Variants in VPS13B observed in about 807,000 individuals in gnomAD.
VPS13B encodes intermembrane lipid transfer protein VPS13B.
A neutral mutation model predicts 426.4 loss-of-function variants in VPS13B; 285 were observed. That is an observed-to-expected ratio of 0.67 (90% CI 0.61 to 0.74). The LOEUF (loss-of-function observed/expected upper bound fraction) is 0.74, where lower values mean the gene tolerates loss of function less well. Ranked by LOEUF, VPS13B falls within the 30% of genes least tolerant of loss-of-function variation. The pLI is 0.00. For synonymous variants in VPS13B, 1,676 were observed against 1,676.4 expected (o/e 1.00, Z 0.01); for missense variants, 4,537 against 4,782.6 (o/e 0.95, Z 1.51).
intron 30 of VPS13B, chr8:99,536,791 G>A (rs751961574): frequency 2.1e-5 from 11 of 526,400 alleles, no homozygotes; most frequent in African/African-American, 3.9e-5. Flanking sequence ...CTTATGTTCA[G>A]TGAGACACAA....
intron 3 of VPS13B, among the ~76,000 whole-genome samples, chr8:99,084,432 G>GT (rs1248283873): frequency 1.3e-5 from 2 of 152,054 alleles, no homozygotes; most frequent in African/African-American, 4.8e-5. Flanking sequence ...TTTTTGAAGG[G>GT]TTTTTTGTGT....
chr8:99,766,124 G>T (rs1811212687), intron 39 of VPS13B, among the ~76,000 whole-genome samples: 1 of 124,834 alleles, frequency 8.0e-6, no homozygotes, highest in South Asian at 2.6e-4. Context: ...CGCCCAGGCT[G>T]GAGTGCAGTC....
intron 58 of VPS13B, 152 bp downstream of exon 58, chr8:99,862,098 C>T (rs564520431): frequency 1.1e-5 from 10 of 894,974 alleles, no homozygotes; most frequent in South Asian, 5.2e-5. Context: ...CAGTGCGTCC[C>T]GCCGGGGGCT....
At chr8:99,053,632 G>A (rs1843678793) in intron 3 of VPS13B, among the ~76,000 whole-genome samples, 1 of 147,188 alleles carries the variant, frequency 6.8e-6, no homozygotes, top group African/African-American at 2.5e-5. Context: ...TGTCCTCAAG[G>A]TTCATCCATG....
Position 99,720,454 on chromosome 8 carries a change from C to T in VPS13B, c.6767C>T (p.Pro2256Leu), listed in dbSNP as rs756772677. ...NFEVQVSEPV[P>L]QMSSPVEKNQ... The stretch of plus-strand genomic sequence containing the variant: ...GAAGTACAAGTTTCTGAACCAGTGC[C>T]TCAAATGTCATCTCCTGTGGAAAAG... The change falls in exon 38 of 62, where the codon CCT becomes CTT. Residue 2256 changes from proline to leucine, a missense_variant. By Grantham distance (98) the Pro-to-Leu change is moderately conservative. Coordinates refer to ENST00000357162, the MANE Select transcript of VPS13B (RefSeq NM_152564.5). The T allele has an allele frequency of 1.3e-5, 21 of 1,613,812 alleles. No homozygotes were observed.
chr8:99,668,355 CAAA>C (rs35852232), intron 35 of VPS13B, among the ~76,000 whole-genome samples: 6 of 94,744 alleles, frequency 6.3e-5, no homozygotes, highest in African/African-American at 1.3e-4. Flanking sequence ...GACCCTGTCT[CAAA>C]AAAAAAAAAA....
At chr8:99,087,604 A>G (rs947191091) in intron 3 of VPS13B, among the ~76,000 whole-genome samples, 2 of 143,216 alleles carry the variant, frequency 1.4e-5, no homozygotes, top group African/African-American at 5.2e-5. Context: ...GGCTCCACCC[A>G]CTGTTTTTTT....
chr8:99,382,925 A>C (rs183938911), intron 19 of VPS13B, among the ~76,000 whole-genome samples: 107 of 152,288 alleles, frequency 7.0e-4, no homozygotes, highest in Middle Eastern at 3.4e-3. Flanking sequence ...GCTTTTCCCC[A>C]TTCAGTATGA....
At chr8:99,382,233 G>A (rs1305092208) in intron 19 of VPS13B, among the ~76,000 whole-genome samples, 1 of 152,090 alleles carries the variant, frequency 6.6e-6, no homozygotes, top group Non-Finnish European at 1.5e-5. Context: ...CTATAGTCTT[G>A]TAGTATAGAT....
chr8:99,321,427 C>T (rs192325158), intron 19 of VPS13B, among the ~76,000 whole-genome samples: 8 of 152,054 alleles, frequency 5.3e-5, no homozygotes, highest in African/African-American at 1.9e-4. Flanking sequence ...AGGCTGGTCT[C>T]GACCTCCTGA....
At chr8:99,753,380 T>C (rs1014360374) in intron 39 of VPS13B, among the ~76,000 whole-genome samples, 1 of 152,156 alleles carries the variant, frequency 6.6e-6, no homozygotes, top group African/African-American at 2.4e-5. Flanking sequence ...AGTATTGTTA[T>C]TTATAGTAAA....
chr8:99,208,549 A>T (rs889719055), intron 17 of VPS13B, among the ~76,000 whole-genome samples: 8 of 152,204 alleles, frequency 5.3e-5, no homozygotes, highest in Middle Eastern at 3.4e-3. Context: ...TATTATATGT[A>T]AGATTAAATA....
At chr8:99,398,152 T>G (rs546441554) in intron 21 of VPS13B, among the ~76,000 whole-genome samples, 1 of 152,342 alleles carries the variant, frequency 6.6e-6, no homozygotes, top group South Asian at 2.1e-4. Context: ...GTAAGAGATA[T>G]AGACTTGGGA....
At chr8:99,727,533 A>T (rs1020640533) in intron 39 of VPS13B, among the ~76,000 whole-genome samples, 6 of 152,210 alleles carry the variant, frequency 3.9e-5, no homozygotes, top group African/African-American at 1.4e-4. Context: ...AGCAAGTCAC[A>T]TCTTACATGG....
chr8:99,488,138 G>T (rs1239942517), intron 25 of VPS13B, among the ~76,000 whole-genome samples: 1 of 152,122 alleles, frequency 6.6e-6, no homozygotes, highest in African/African-American at 2.4e-5. Context: ...ACTTTATTCG[G>T]TGCTGATTTT....
At chr8:99,675,641 C>T (rs1830902905) in intron 35 of VPS13B, among the ~76,000 whole-genome samples, 1 of 152,016 alleles carries the variant, frequency 6.6e-6, no homozygotes, top group South Asian at 2.1e-4. Flanking sequence ...CGTTCCTTTA[C>T]TGTGTATTTT....
intron 23 of VPS13B, among the ~76,000 whole-genome samples, chr8:99,447,952 C>A (rs1818004356): frequency 6.6e-6 from 1 of 151,460 alleles, no homozygotes; most frequent in Admixed American, 6.6e-5. Context: ...CATTTAAAAT[C>A]TCTCTTATTT....
intron 39 of VPS13B, among the ~76,000 whole-genome samples, chr8:99,759,967 C>CT (rs1563903847): frequency 6.6e-6 from 1 of 151,414 alleles, no homozygotes; most frequent in African/African-American, 2.4e-5. Context: ...CTTTTCTTTT[C>CT]TTTTTTTGTA....
At chr8:99,373,060 A>G (rs976174480) in intron 19 of VPS13B, among the ~76,000 whole-genome samples, 6 of 152,234 alleles carry the variant, frequency 3.9e-5, no homozygotes, top group African/African-American at 1.4e-4. Flanking sequence ...AAACTAACAC[A>G]GGAACAGAAA....
Sources: gnomAD v4.1 joint callset for allele counts (sites outside exome capture counted in the v4.1 genomes callset) on GRCh38, gnomAD v4.1.1 for gene constraint, MANE v1.5 for transcripts, NCBI Gene and HGNC (gene_info 2026-07-23, HGNC 2026-07-21) for gene names.